The following TULP2 variants were observed in gnomAD, a reference collection of about 807,000 sequenced individuals.
The protein encoded by TULP2 is TUB like protein 2, also known as tubby-related protein 2.
TULP2 carries 64 observed loss-of-function variants against 60.3 expected under a neutral mutation model. The observed-to-expected ratio is 1.06, with a 90% CI of 0.87 to 1.31. The LOEUF is 1.31. Ranked by LOEUF, TULP2 falls within the 50% of genes most tolerant of loss-of-function variation. The pLI is 0.00. For synonymous variants in TULP2, 267 were observed against 265.4 expected, an observed-to-expected ratio of 1.01 and a Z score of -0.06; for missense variants, 652 against 667.0, an observed-to-expected ratio of 0.98 and a Z score of 0.25.
intron 6 of TULP2, among the ~76,000 whole-genome samples, chr19:48,891,595 C>A (rs2037233784): frequency 6.6e-6 from 1 of 152,168 alleles, no homozygotes; most frequent in Admixed American, 6.6e-5. Context: ...CGTGCCACTG[C>A]GCTCCAGCCT....
At position 48,893,224 on chromosome 19, in the gene TULP2, G is replaced by A. The variant is rs552261923; in HGVS notation, c.514+1774C>T. Among the ~76,000 whole-genome samples the A allele has an allele frequency of 1.3e-3, 200 of 152,146 alleles. 1 individual carries two copies. Among genetic ancestry groups the A allele is most frequent in the Middle Eastern group, 3.4e-3 (1 of 294 alleles). On this transcript the variant is annotated intron_variant, in intron 6 of 12. Coordinates refer to ENST00000221399, the MANE Select transcript of TULP2 (RefSeq NM_003323.3). ...CTCTACTAAAAAACACAAAAAATTA[G>A]CCGAGCATGGTGGCACGCGCCTGTA...
intron 12 of TULP2, 85 bp from the exon 13 acceptor site, chr19:48,881,211 CTT>C (rs1317301312): frequency 0.024 from 4,255 of 174,120 alleles, no homozygotes; most frequent in South Asian, 0.03. Flanking sequence ...TTTTTTTTTT[CTT>C]TTTTTTTTTT....
rs1489530789 is a variant in TULP2 at position 48,883,739 on chromosome 19, A to G, written c.1275+15T>C. Reference sequence around the variant, plus strand: ...TTCTCCATTGACCCAGAGATTCCTGATGTCAGGGACTCACATTTAGTGGCT... The same window carrying G: ...TTCTCCATTGACCCAGAGATTCCTGGTGTCAGGGACTCACATTTAGTGGCT... On this transcript the variant is annotated intron_variant, in intron 11 of 12. Coordinates refer to ENST00000221399, the MANE Select transcript of TULP2 (RefSeq NM_003323.3). 1 of 1,613,490 alleles carries G rather than the reference A, an allele frequency of 6.2e-7. No individual in the cohort carries two copies. Among genetic ancestry groups the G allele is most frequent in the South Asian group, 1.1e-5 (1 of 90,994 alleles).
intron 6 of TULP2, among the ~76,000 whole-genome samples, chr19:48,890,873 A>T (rs1419496660): frequency 6.6e-6 from 1 of 152,104 alleles, no homozygotes; most frequent in Non-Finnish European, 1.5e-5. Context: ...GAGACTGAAG[A>T]TGGGGGGATG....
At chr19:48,889,833 C>T (rs1207469220) in intron 6 of TULP2, among the ~76,000 whole-genome samples, 1 of 152,144 alleles carries the variant, frequency 6.6e-6, no homozygotes, top group East Asian at 1.9e-4. Flanking sequence ...AAGGGCGGTG[C>T]AAGATGTGCT....
At chr19:48,896,608 A>G (rs1778627860) in intron 3 of TULP2, 52 bp from the exon 4 acceptor site, 2 of 1,531,450 alleles carry the variant, frequency 1.3e-6, no homozygotes, top group Non-Finnish European at 1.8e-6. Flanking sequence ...ATGGGAAGAC[A>G]GAAGTGAGGT....
chr19:48,895,333 T>C, intron 5 of TULP2, 33 bp downstream of exon 5: 1 of 1,607,604 alleles, frequency 6.2e-7, no homozygotes, highest in Non-Finnish European at 8.5e-7. Flanking sequence ...GACGGAGTTC[T>C]GGGGTCTAGG....
chr19:48,888,066 G>A lies in TULP2; in HGVS notation c.832C>T (p.Arg278Trp), dbSNP rs17847566. The A allele has an allele frequency of 4.4e-4, 703 of 1,614,186 alleles. 4 individuals are homozygous for A. In the East Asian group the frequency reaches 0.01, roughly 23 times the overall value. ...ATCATGGTGCCCGGGAGCGCTGGCC[G>A]CAGCACGTAGGCTTCCATGTCCTCC... ...LEEDMEAYVL[R>W]PALPGTMMQC... is the part of the protein sequence containing the mutation. Residue 278 changes from arginine (R) to tryptophan (W), a missense_variant, in exon 8 of 13, where the codon CGG becomes TGG. Coordinates refer to ENST00000221399, the MANE Select transcript of TULP2 (RefSeq NM_003323.3).
intron 11 of TULP2, 45 bp from the exon 12 acceptor site, chr19:48,882,248 A>AACTCCATCTTGAACAGGGGCG (rs531820415): frequency 6.1e-5 from 99 of 1,609,776 alleles, no homozygotes; most frequent in African/African-American, 9.4e-5. Context: ...AGGCTTTCGA[A>AACTCCATCTTGAACAGGGGCG]ACTCCATCTT....
chr19:48,895,248 G>A (rs2037267749), intron 5 of TULP2, 86 bp from the exon 6 acceptor site: 2 of 1,573,546 alleles, frequency 1.3e-6, no homozygotes, highest in Non-Finnish European at 1.7e-6. Context: ...TGTGAGGAAG[G>A]AGTGGGTGCG....
intron 7 of TULP2, among the ~76,000 whole-genome samples, chr19:48,889,276 C>T (rs940946238): frequency 6.6e-6 from 1 of 152,112 alleles, no homozygotes; most frequent in African/African-American, 2.4e-5. Flanking sequence ...ATACCATAAG[C>T]TGTATTTTAA....
chr19:48,891,643 C>T (rs9676670), intron 6 of TULP2, among the ~76,000 whole-genome samples: 61,248 of 151,974 alleles, frequency 0.4, 12,777 homozygotes, highest in African/African-American at 0.51. Flanking sequence ...GGGTATTTCT[C>T]GCAAGGTGGA....
rs2037184998 is a variant in TULP2 at position 48,886,973 on chromosome 19, A to C, written c.948+977T>G. Among the ~76,000 whole-genome samples the C allele has an allele frequency of 2.0e-5, 3 of 149,534 alleles. No homozygotes were observed. In the East Asian group the frequency reaches 5.9e-4, roughly 30 times the overall value. ...AAATGATCCACCTGCCTTGGCCTCC[A>C]AAATGCTGAGATTACAAGCGTGAAC... On this transcript the variant is annotated intron_variant, in intron 8 of 12. Transcript: ENST00000221399.
At chr19:48,896,199 G>C (rs2037279177) in intron 4 of TULP2, among the ~76,000 whole-genome samples, 1 of 151,278 alleles carries the variant, frequency 6.6e-6, no homozygotes. Context: ...CCTGCGCTCT[G>C]TAGCCCTGCC....
rs564081673 is a variant in TULP2, at chr19:48,888,744, C to T, written c.637-483G>A. ...TCAAGCAATTCTCCTGCCTCAGCCT[C>T]CCAAGTAGCTAGGATTACAGGCTTT... On this transcript the variant is annotated intron_variant, in intron 7 of 12. Transcript: ENST00000221399. 2.0e-4 allele frequency among the ~76,000 whole-genome samples: 30 copies of T among 152,176 alleles called. 1 individual carries two copies. In the South Asian group the frequency reaches 2.7e-3, roughly 14 times the overall value.
At chr19:48,889,167 G>A (rs2037210023) in intron 7 of TULP2, among the ~76,000 whole-genome samples, 1 of 151,112 alleles carries the variant, frequency 6.6e-6, no homozygotes, top group African/African-American at 2.4e-5. Context: ...CTAGAGACAG[G>A]GTTTCACCAC....
In TULP2 at chr19:48,888,073, G is replaced by T; in HGVS notation, c.825C>A (p.Tyr275Ter). 1 of 1,614,198 alleles carries T rather than the reference G, an allele frequency of 6.2e-7. No individual in the cohort carries two copies. The highest frequency in any genetic ancestry group is 8.5e-7 in the Non-Finnish European group (1 of 1,180,032). The change falls in exon 8 of 13, where the codon TAC (tyrosine) becomes TAA (stop). Residue 275 changes from tyrosine (Y) to a stop codon, truncating the protein, a stop_gained. Coordinates refer to ENST00000221399, the MANE Select transcript of TULP2 (RefSeq NM_003323.3). LOFTEE classifies it high-confidence loss of function. ...CPGLEEDMEA[Y>*]VLRPALPGTM... ...TGCCCGGGAGCGCTGGCCGCAGCACGTAGGCTTCCATGTCCTCCTCCAGCC... is the reference window on the plus strand; with the variant it reads ...TGCCCGGGAGCGCTGGCCGCAGCACTTAGGCTTCCATGTCCTCCTCCAGCC...
rs201424149 is a variant in TULP2 at position 48,897,441 on chromosome 19, G to A, written c.33-45C>T. 2.6e-5 allele frequency: 42 copies of A among 1,602,356 alleles called. No homozygotes were observed. Among genetic ancestry groups the A allele is most frequent in the African/African-American group, 1.3e-4 (10 of 74,616 alleles). On this transcript the variant is annotated intron_variant, in intron 2 of 12. Transcript: ENST00000221399. This position sits in a 1 kb window ranked among gnomAD's most constrained non-coding sequence, Gnocchi z 4.0. ...ATGGTGACAGTGCACAGGGAACCTC[G>A]GTTGCCCAAGAGAGTCCCTCCTTCC...
chr19:48,891,158 CA>C (rs564693397), intron 6 of TULP2, among the ~76,000 whole-genome samples: 1,805 of 113,354 alleles, frequency 0.016, 16 homozygotes, highest in Non-Finnish European at 0.02. Context: ...ACTAAAAATA[CA>C]AAAAAAAAAA....
Sources: allele counts gnomAD v4.1 joint callset (sites outside exome capture counted in the v4.1 genomes callset), GRCh38; gene constraint gnomAD v4.1.1; non-coding constraint Gnocchi (gnomAD v3.1); transcripts MANE v1.5; gene names NCBI Gene and HGNC (gene_info 2026-07-23, HGNC 2026-07-21).